Variants in MCMBP observed in about 807,000 individuals in gnomAD.
The protein encoded by MCMBP is mini-chromosome maintenance complex-binding protein.
A neutral mutation model predicts 81.3 loss-of-function variants in MCMBP; 31 were observed. The ratio of observed to expected loss-of-function variants is 0.38; its 90% CI spans 0.29 to 0.51. The LOEUF is 0.51. Ranked by LOEUF, MCMBP falls within the 20% of genes least tolerant of loss-of-function variation. The pLI, the probability that MCMBP is intolerant of heterozygous loss-of-function variation, is 0.87. For missense variants in MCMBP, 645 were observed against 772.1 expected (o/e 0.84, Z 1.95); for synonymous variants, 267 against 275.9 (o/e 0.97, Z 0.32).
chr10:119,843,170 T>C (rs1564874692), intron 9 of MCMBP, 84 bp downstream of exon 9: 2 of 1,474,252 alleles, frequency 1.4e-6, no homozygotes, highest in Admixed American at 1.7e-5. Flanking sequence ...GACTCTCAAT[T>C]CCACTATGAG....
chr10:119,855,750 A>G (rs562505061), intron 5 of MCMBP, among the ~76,000 whole-genome samples: 12 of 152,226 alleles, frequency 7.9e-5, no homozygotes, highest in African/African-American at 2.9e-4. Flanking sequence ...GATGAAGCAG[A>G]AAACAGAAAA....
At position 119,830,077 on chromosome 10, in the gene MCMBP, G is replaced by A. The variant is rs1000643669; in HGVS notation, c.*1397C>T. The A allele has an allele frequency of 6.6e-6, 1 of 152,530 alleles. No individual in the cohort carries two copies. Among genetic ancestry groups the A allele is most frequent in the African/African-American group, 2.4e-5 (1 of 41,426 alleles). 9.4% of individuals were successfully genotyped at this position (152,530 alleles called of 1,614,324 possible). ...TCTAATATAAACATTATTTACATTT[G>A]TTTATAAAAATAGATTTGAGTTTAG... On this transcript the variant is annotated 3_prime_UTR_variant, in exon 16 of 16. Transcript: ENST00000369077.
At chr10:119,851,256 A>C (rs573811845) in intron 6 of MCMBP, among the ~76,000 whole-genome samples, 1 of 152,328 alleles carries the variant, frequency 6.6e-6, no homozygotes, top group Non-Finnish European at 1.5e-5. Flanking sequence ...AACATTGACT[A>C]AACACCAACA....
chr10:119,859,689 G>T, intron 2 of MCMBP, 110 bp downstream of exon 2: 1 of 669,798 alleles, frequency 1.5e-6, no homozygotes, highest in Non-Finnish European at 2.5e-6. Context: ...TGAAGCAGAA[G>T]TACATTAATT....
intron 11 of MCMBP, 94 bp from the exon 12 acceptor site, chr10:119,838,794 A>G: frequency 8.7e-7 from 1 of 1,143,374 alleles, no homozygotes; most frequent in Non-Finnish European, 1.2e-6. Context: ...TCATATGGAA[A>G]AAGTGATCTT....
At chr10:119,860,729 C>CT (rs1413812231) in intron 1 of MCMBP, among the ~76,000 whole-genome samples, 1 of 152,084 alleles carries the variant, frequency 6.6e-6, no homozygotes, top group Non-Finnish European at 1.5e-5. Context: ...GAATAAGGTC[C>CT]TTTTTTAAAA....
intron 6 of MCMBP, among the ~76,000 whole-genome samples, chr10:119,852,399 C>T (rs1189445559): frequency 2.0e-5 from 3 of 152,154 alleles, no homozygotes; most frequent in South Asian, 2.1e-4. Flanking sequence ...ACTGGTTGGG[C>T]GTGGTGGCTC....
At chr10:119,849,049 G>A (rs965645986) in intron 7 of MCMBP, among the ~76,000 whole-genome samples, 6 of 152,150 alleles carry the variant, frequency 3.9e-5, no homozygotes, top group Non-Finnish European at 5.9e-5. Context: ...GTAATCACAC[G>A]GATTCTTAAA....
chr10:119,855,673 T>TA (rs200639990), intron 5 of MCMBP, among the ~76,000 whole-genome samples: 25 of 139,656 alleles, frequency 1.8e-4, no homozygotes, highest in Admixed American at 7.1e-4. Flanking sequence ...AGACCCCGTC[T>TA]AAAAAAAAAA....
chr10:119,846,153 T>C (rs1852612771), intron 8 of MCMBP, among the ~76,000 whole-genome samples: 1 of 152,134 alleles, frequency 6.6e-6, no homozygotes. Flanking sequence ...TGCAACAGCT[T>C]AATATGCCAG....
chr10:119,859,017 A>G, intron 3 of MCMBP, 24 bp downstream of exon 3: 2 of 1,612,260 alleles, frequency 1.2e-6, no homozygotes, highest in East Asian at 2.2e-5. Context: ...AATACCACAA[A>G]TTCATGAAAA....
At chr10:119,842,764 CTCCTT>C in intron 9 of MCMBP, 169 bp from the exon 10 acceptor site, 1 of 703,328 alleles carries the variant, frequency 1.4e-6, no homozygotes. Flanking sequence ...AGTTTGCATC[CTCCTT>C]TTTTTTTTTT....
chr10:119,872,390 T>C (rs1320058316), intron 1 of MCMBP, 137 bp downstream of exon 1: 1 of 351,398 alleles, frequency 2.8e-6, no homozygotes, highest in Non-Finnish European at 4.5e-6. Flanking sequence ...CTGGGGCCGG[T>C]GCAGGCCCCG....
At chr10:119,839,538 T>G (rs892663148) in intron 11 of MCMBP, among the ~76,000 whole-genome samples, 1 of 152,200 alleles carries the variant, frequency 6.6e-6, no homozygotes, top group African/African-American at 2.4e-5. Context: ...TTTGTTGGTC[T>G]TCTACCTAAA....
intron 5 of MCMBP, among the ~76,000 whole-genome samples, chr10:119,855,612 AGTGAG>A (rs1853009168): frequency 6.6e-6 from 1 of 152,104 alleles, no homozygotes; most frequent in Non-Finnish European, 1.5e-5. Context: ...CTGAGGTTGC[AGTGAG>A]CCGAGATTGT....
chr10:119,837,113 G>C (rs1852274908), intron 12 of MCMBP, 84 bp from the exon 13 acceptor site: 1 of 1,408,212 alleles, frequency 7.1e-7, no homozygotes, highest in East Asian at 2.3e-5. Flanking sequence ...GATGAGCCAT[G>C]AAGTTTCTAC....
chr10:119,862,312 C>G (rs976708299), intron 1 of MCMBP, among the ~76,000 whole-genome samples: 1 of 151,982 alleles, frequency 6.6e-6, no homozygotes, highest in African/African-American at 2.4e-5. Context: ...CGTCCCCCCC[C>G]ACACCACCTC....
At chr10:119,849,701 T>TA in intron 6 of MCMBP, 125 bp from the exon 7 acceptor site, 2 of 837,192 alleles carry the variant, frequency 2.4e-6, no homozygotes, top group Non-Finnish European at 3.5e-6. Context: ...TTCAAGTTGT[T>TA]ACAGTTTTTA....
rs770396314 is a variant in MCMBP at position 119,859,807 on chromosome 10, G to A, written c.136C>T (p.Pro46Ser). 2.6e-5 allele frequency: 42 copies of A among 1,611,010 alleles called. No homozygotes were observed. The highest frequency in any genetic ancestry group is 3.5e-5 in the Non-Finnish European group (41 of 1,177,836). ...FKEKLKENNA[P>S]KWVPSLNEVP... Reference sequence around the variant, plus strand: ...AATAGCAATAAGCTTACCCACTTAGGAGCATTATTTTCCTTCAGCTTTTCC... The same window carrying A: ...AATAGCAATAAGCTTACCCACTTAGAAGCATTATTTTCCTTCAGCTTTTCC... The change falls in exon 2 of 16, where the codon CCT becomes TCT. Residue 46 changes from proline (P) to serine (S), a missense_variant. Pro to Ser is a moderately conservative substitution (Grantham distance 74). Coordinates refer to ENST00000369077, the MANE Select transcript of MCMBP (RefSeq NM_001256378.2).
Sources: allele counts gnomAD v4.1 joint callset (sites outside exome capture counted in the v4.1 genomes callset), GRCh38; gene constraint gnomAD v4.1.1; transcripts MANE v1.5; gene names NCBI Gene and HGNC (gene_info 2026-07-23, HGNC 2026-07-21).